The following CD4 variants were observed in gnomAD, a reference collection of about 807,000 sequenced individuals.
CD4 encodes the protein CD4 molecule.
Under a neutral mutation model 50.5 loss-of-function variants are expected in CD4, and 25 were observed. The observed-to-expected ratio is 0.49, with a 90% CI of 0.36 to 0.69. The LOEUF is 0.69. CD4 is among the 30% of genes least tolerant of loss of function. The probability of loss-of-function intolerance (pLI) is 0.00; values close to 1 mark genes in which losing one functional copy is unlikely to be tolerated. For missense variants in CD4, 456 were observed against 548.5 expected (o/e 0.83, Z 1.68); for synonymous variants, 207 against 221.9 (o/e 0.93, Z 0.60).
intron 1 of CD4, among the ~76,000 whole-genome samples, chr12:6,793,716 T>TG (rs1942259904): frequency 1.0e-4 from 15 of 145,690 alleles, no homozygotes; most frequent in African/African-American, 3.1e-4. Context: ...TTTTTTTTTT[T>TG]GAGACAAAAT....
chr12:6,805,570 A>AAAAAAAAAAAG (rs1942723561), intron 3 of CD4, among the ~76,000 whole-genome samples: 1 of 151,874 alleles, frequency 6.6e-6, no homozygotes, highest in African/African-American at 2.4e-5. Flanking sequence ...CCCGAAAAAA[A>AAAAAAAAAAAG]AAAAAAGAAA....
intron 3 of CD4, among the ~76,000 whole-genome samples, chr12:6,800,991 C>T (rs563708258): frequency 1.9e-4 from 29 of 150,692 alleles, no homozygotes; most frequent in Non-Finnish European, 4.0e-4. Flanking sequence ...CTGCAATCTC[C>T]ACCTCCCAGG....
chr12:6,813,042 G>C (rs747214583), intron 3 of CD4, among the ~76,000 whole-genome samples: 10 of 151,362 alleles, frequency 6.6e-5, no homozygotes, highest in Non-Finnish European at 1.5e-4. Context: ...GCATAGCTGG[G>C]GCTACTGGCA....
chr12:6,805,782 A>C (rs1435170344), intron 3 of CD4, among the ~76,000 whole-genome samples: 2 of 152,010 alleles, frequency 1.3e-5, no homozygotes, highest in Non-Finnish European at 2.9e-5. Context: ...TTTTTTGTAG[A>C]TATAAACAAG....
At chr12:6,794,573 T>C (rs1171771868) in intron 1 of CD4, among the ~76,000 whole-genome samples, 7 of 152,038 alleles carry the variant, frequency 4.6e-5, no homozygotes, top group Non-Finnish European at 2.9e-5. Flanking sequence ...GATTTCACTA[T>C]GTTGGCCAGG....
intron 3 of CD4, among the ~76,000 whole-genome samples, chr12:6,805,138 TC>T (rs535711092): frequency 1.4e-3 from 175 of 122,830 alleles, no homozygotes; most frequent in African/African-American, 5.0e-3. Context: ...TGAGCCATGA[TC>T]ACACCACTGC....
chr12:6,803,132 A>G (rs1300887830), intron 3 of CD4, among the ~76,000 whole-genome samples: 1 of 151,946 alleles, frequency 6.6e-6, no homozygotes, highest in Non-Finnish European at 1.5e-5. Context: ...TACTTGACAG[A>G]AATAAAATTG....
chr12:6,817,283 G>A lies in CD4; in HGVS notation c.1109G>A (p.Cys370Tyr). ...VLNPEAGMWQCLLSDSGQVLL... is the reference protein window; with the variant it reads ...VLNPEAGMWQYLLSDSGQVLL... ...AACCCTGAGGCGGGGATGTGGCAGT[G>A]TCTGCTGAGTGACTCGGGACAGGTC... is the stretch of plus-strand genomic sequence containing the variant. The change falls in exon 7 of 10, where the codon TGT (cysteine) becomes TAT (tyrosine). Residue 370 changes from cysteine (C) to tyrosine (Y), a missense_variant. By Grantham distance (194) the Cys-to-Tyr change is radical (BLOSUM62 -2). Transcript: ENST00000011653. 1 of 1,580,648 alleles carries A rather than the reference G, an allele frequency of 6.3e-7. No individual in the cohort carries two copies. Among genetic ancestry groups the A allele is most frequent in the Admixed American group, 1.8e-5 (1 of 54,232 alleles).
rs923620009 is a variant in CD4 at position 6,818,376 on chromosome 12, C to T, written c.1157-45C>T. ...GCAGGGCAGTCCTCAGTCCCCTGGC[C>T]CGTGGAGGAGGGCGGTGCATTGAGC... On this transcript the variant is annotated intron_variant, in intron 7 of 9. Coordinates refer to ENST00000011653, the MANE Select transcript of CD4 (RefSeq NM_000616.5). The surrounding 1 kb of genome is among the most constrained non-coding windows in gnomAD (Gnocchi z 5.0). The T allele has an allele frequency of 6.2e-7, 1 of 1,607,766 alleles. No homozygotes were observed. Among genetic ancestry groups the T allele is most frequent in the South Asian group, 1.1e-5 (1 of 90,970 alleles).
chr12:6,818,999 G>T lies in CD4; in HGVS notation c.1346+85G>T, dbSNP rs1333775477. 4 of 773,200 alleles carry T rather than the reference G, an allele frequency of 5.2e-6. No homozygotes were observed. The highest frequency in any genetic ancestry group is 8.4e-6 in the Non-Finnish European group (4 of 474,038). 47.9% of individuals were successfully genotyped at this position (773,200 alleles called of 1,614,324 possible). A position where few individuals can be genotyped will look rare whatever the true frequency, so the allele number is the denominator to read the frequency against. The stretch of plus-strand genomic sequence containing the variant: ...AGGAGGGGGAGGAAGGGGAGCAAAG[G>T]GGGGCAGGAAGGGAGGATGGAGAGG... On this transcript the variant is annotated intron_variant, in intron 9 of 9. Coordinates refer to ENST00000011653, the MANE Select transcript of CD4 (RefSeq NM_000616.5). This position sits in a 1 kb window ranked among gnomAD's most constrained non-coding sequence, Gnocchi z 5.0.
intron 3 of CD4, among the ~76,000 whole-genome samples, chr12:6,804,840 C>T (rs1434171722): frequency 6.6e-6 from 1 of 151,866 alleles, no homozygotes; most frequent in East Asian, 1.9e-4. Context: ...CACGGTGAAA[C>T]CCTGTCTCTA....
In CD4 at chr12:6,801,807, T is replaced by G. The variant is rs1555115378; in HGVS notation, c.214+1336T>G. Among the ~76,000 whole-genome samples the G allele has an allele frequency of 7.3e-5, 11 of 150,054 alleles. No individual in the cohort carries two copies. The South Asian group carries it at 2.1e-3, about 29-fold the overall frequency. ...GATCTCCTGACCTCGTGATTTACCC[T>G]CCTTGGCCTCCCAAAGTGCTGGGAT... On this transcript the variant is annotated intron_variant, in intron 3 of 9. Coordinates refer to ENST00000011653, the MANE Select transcript of CD4 (RefSeq NM_000616.5).
At chr12:6,814,454 T>A (rs1478335629) in intron 4 of CD4, 154 bp downstream of exon 4, 1 of 774,856 alleles carries the variant, frequency 1.3e-6, no homozygotes, top group Non-Finnish European at 2.0e-6. Flanking sequence ...TTAAAACCCT[T>A]CTTGATCAGG....
At position 6,816,276 on chromosome 12, in the gene CD4, G is replaced by A; in HGVS notation, c.828G>A (p.Lys276=). ...AGGACCCTAAGCTCCAGATGGGCAA[G>A]AAGCTCCCGCTCCACCTCACCCTGC... The part of the protein sequence containing the change: ...VTQDPKLQMG[K]KLPLHLTLPQ... The change falls in exon 6 of 10, where the codon AAG becomes AAA. Residue 276 remains lysine, a synonymous_variant. Transcript: ENST00000011653. The surrounding 1 kb of genome is among the most constrained non-coding windows in gnomAD (Gnocchi z 4.9). 1.9e-6 allele frequency: 3 copies of A among 1,614,244 alleles called. No individual in the cohort carries two copies. The highest frequency in any genetic ancestry group is 2.5e-6 in the Non-Finnish European group (3 of 1,180,042).
intron 3 of CD4, among the ~76,000 whole-genome samples, chr12:6,802,107 C>G (rs1260757336): frequency 1.3e-5 from 2 of 151,516 alleles, no homozygotes; most frequent in African/African-American, 4.9e-5. Flanking sequence ...CTCCTGACCT[C>G]AAGTGATTCT....
At chr12:6,793,958 TTCTATCTATCTATA>T (rs1464645480) in intron 1 of CD4, among the ~76,000 whole-genome samples, 556 of 37,284 alleles carry the variant, frequency 0.015, 4 homozygotes, top group African/African-American at 0.073. Context: ...GACACCCGGC[TTCTATCTATCTATA>T]TCTATCTATC....
intron 4 of CD4, 96 bp downstream of exon 4, chr12:6,814,396 C>T (rs1943031039): frequency 6.1e-6 from 8 of 1,301,590 alleles, no homozygotes; most frequent in African/African-American, 1.5e-5. Flanking sequence ...CTGGTGATAC[C>T]GCAGCAGCCC....
At chr12:6,796,575 A>G (rs1029719008) in intron 1 of CD4, among the ~76,000 whole-genome samples, 5 of 152,144 alleles carry the variant, frequency 3.3e-5, no homozygotes, top group African/African-American at 1.2e-4. Context: ...CTCCAGTCCC[A>G]TGTCATCTGG....
intron 7 of CD4, among the ~76,000 whole-genome samples, chr12:6,817,649 C>G (rs781803637): frequency 6.6e-6 from 1 of 152,000 alleles, no homozygotes; most frequent in African/African-American, 2.4e-5. Context: ...CAAATCCAGA[C>G]GCACTTACAC....
Sources: allele counts gnomAD v4.1 joint callset (sites outside exome capture counted in the v4.1 genomes callset), GRCh38; gene constraint gnomAD v4.1.1; non-coding constraint Gnocchi (gnomAD v3.1); transcripts MANE v1.5; gene names NCBI Gene and HGNC (gene_info 2026-07-23, HGNC 2026-07-21).